The following CSMD1 variants were observed in gnomAD, a reference collection of about 807,000 sequenced individuals.
CSMD1 encodes CUB and sushi domain-containing protein 1.
Under a neutral mutation model 417.5 loss-of-function variants are expected in CSMD1, and 213 were observed. The ratio of observed to expected loss-of-function variants is 0.51; its 90% CI spans 0.46 to 0.57. The LOEUF is 0.57. CSMD1 is among the 20% of genes least tolerant of loss of function. The probability of loss-of-function intolerance (pLI) is 0.00; values close to 1 mark genes in which losing one functional copy is unlikely to be tolerated. For synonymous variants in CSMD1, 2,862 were observed against 1,736.8 expected (o/e 1.65, Z -16.11); for missense variants, 6,923 against 4,529.7 (o/e 1.53, Z -15.17).
intron 10 of CSMD1, among the ~76,000 whole-genome samples, chr8:3,523,094 A>G (rs888274980): frequency 1.3e-5 from 2 of 151,732 alleles, no homozygotes; most frequent in Non-Finnish European, 2.9e-5. Flanking sequence ...CTCCACATCC[A>G]ATATTATAGT....
chr8:3,816,220 G>T (rs1411944135), intron 5 of CSMD1, among the ~76,000 whole-genome samples: 2 of 152,076 alleles, frequency 1.3e-5, no homozygotes, highest in African/African-American at 4.8e-5. Context: ...CAGACAGAAG[G>T]GCACGTGTTA....
At chr8:4,788,062 G>T in intron 1 of CSMD1, 1 of 1,595,390 alleles carries the variant, frequency 6.3e-7, no homozygotes, top group Non-Finnish European at 8.6e-7. Context: ...AACTTTGAGT[G>T]GGTTGCAGAG....
At chr8:4,221,893 C>A (rs1801053582) in intron 3 of CSMD1, among the ~76,000 whole-genome samples, 1 of 152,132 alleles carries the variant, frequency 6.6e-6, no homozygotes, top group South Asian at 2.1e-4. Flanking sequence ...AGAGGAAATT[C>A]ACCAGACCAG....
intron 3 of CSMD1, among the ~76,000 whole-genome samples, chr8:4,186,128 G>A (rs557193603): frequency 6.6e-6 from 1 of 152,268 alleles, no homozygotes. Context: ...TGTCACCAAC[G>A]ATTTGGCATC....
At position 4,266,438 on chromosome 8, in the gene CSMD1, G is replaced by C. The variant is rs1468236443; in HGVS notation, c.415+153515C>G. 1.2e-4 allele frequency among the ~76,000 whole-genome samples: 13 copies of C among 104,078 alleles called. 1 individual carries two copies. Among genetic ancestry groups the C allele is most frequent in the African/African-American group, 3.1e-4 (12 of 38,234 alleles). 68.3% of individuals were successfully genotyped at this position (104,078 alleles called of 152,430 possible). A position where few individuals can be genotyped will look rare whatever the true frequency, so the allele number is the denominator to read the frequency against. On this transcript the variant is annotated intron_variant, in intron 3 of 69. Coordinates refer to ENST00000635120, the MANE Select transcript of CSMD1 (RefSeq NM_033225.6). ...AATGTGATTTCATTATAATATGTTAGGTTATATTGATGATTGGTTAGATAG... is the reference window on the plus strand; with the variant it reads ...AATGTGATTTCATTATAATATGTTACGTTATATTGATGATTGGTTAGATAG...
At chr8:3,438,708 T>G (rs781145024) in intron 12 of CSMD1, among the ~76,000 whole-genome samples, 1 of 152,190 alleles carries the variant, frequency 6.6e-6, no homozygotes, top group Non-Finnish European at 1.5e-5. Context: ...CTACACATAT[T>G]CCTGCTACTA....
intron 5 of CSMD1, among the ~76,000 whole-genome samples, chr8:3,828,027 G>C (rs1044609656): frequency 2.6e-5 from 4 of 152,108 alleles, no homozygotes; most frequent in African/African-American, 7.2e-5. Flanking sequence ...CAATTATATG[G>C]ATTTGTGTGT....
At chr8:4,427,372 A>G (rs758090682) in intron 2 of CSMD1, among the ~76,000 whole-genome samples, 1 of 152,044 alleles carries the variant, frequency 6.6e-6, no homozygotes, top group Non-Finnish European at 1.5e-5. Flanking sequence ...GGTGATCTGG[A>G]ACCAGGTGCT....
intron 1 of CSMD1, among the ~76,000 whole-genome samples, chr8:4,906,543 G>C (rs980053641): frequency 6.6e-6 from 1 of 150,432 alleles, no homozygotes; most frequent in Non-Finnish European, 1.5e-5. Context: ...AAATAAGTTT[G>C]TCTTTTCAAG....
intron 3 of CSMD1, among the ~76,000 whole-genome samples, chr8:4,160,468 A>T (rs1309418463): frequency 2.0e-5 from 3 of 152,190 alleles, no homozygotes; most frequent in African/African-American, 7.2e-5. Flanking sequence ...AGTGTTGGTC[A>T]TGTGTCTTCA....
intron 1 of CSMD1, among the ~76,000 whole-genome samples, chr8:4,717,893 A>G (rs1808788544): frequency 6.6e-6 from 1 of 152,222 alleles, no homozygotes. Flanking sequence ...CTAAAAATAA[A>G]TAGGATGACT....
At chr8:4,425,225 G>T (rs1041052908) in intron 2 of CSMD1, among the ~76,000 whole-genome samples, 1 of 151,942 alleles carries the variant, frequency 6.6e-6, no homozygotes, top group Non-Finnish European at 1.5e-5. Context: ...TCAGGAAGTA[G>T]GAACAAGATA....
intron 7 of CSMD1, among the ~76,000 whole-genome samples, chr8:3,679,179 T>C (rs2059419499): frequency 6.6e-6 from 1 of 151,978 alleles, no homozygotes; most frequent in Non-Finnish European, 1.5e-5. Flanking sequence ...AATTCACACA[T>C]AACAATATTA....
At chr8:3,506,576 A>C (rs1474347430) in intron 10 of CSMD1, among the ~76,000 whole-genome samples, 3 of 152,178 alleles carry the variant, frequency 2.0e-5, no homozygotes, top group African/African-American at 7.2e-5. Context: ...ATTCATCTTC[A>C]ACCACGCCTC....
chr8:3,275,938 C>G (rs1048697494), intron 26 of CSMD1, among the ~76,000 whole-genome samples: 1 of 152,230 alleles, frequency 6.6e-6, no homozygotes, highest in Non-Finnish European at 1.5e-5. Context: ...TTGTCAAACT[C>G]TTTCTCTGTT....
intron 2 of CSMD1, among the ~76,000 whole-genome samples, chr8:4,450,468 A>G (rs900834616): frequency 2.6e-5 from 4 of 152,104 alleles, no homozygotes; most frequent in Non-Finnish European, 4.4e-5. Flanking sequence ...TCTACTGAAA[A>G]TACAAAATTG....
intron 5 of CSMD1, among the ~76,000 whole-genome samples, chr8:3,876,441 C>G (rs557259734): frequency 6.6e-6 from 1 of 152,104 alleles, no homozygotes; most frequent in Non-Finnish European, 1.5e-5. Context: ...CACCATTCTC[C>G]TTTTATTCCT....
At chr8:4,710,997 G>T (rs1375717067) in intron 1 of CSMD1, among the ~76,000 whole-genome samples, 1 of 152,054 alleles carries the variant, frequency 6.6e-6, no homozygotes, top group Non-Finnish European at 1.5e-5. Flanking sequence ...TGACATGTGA[G>T]GTGACGGACA....
intron 3 of CSMD1, among the ~76,000 whole-genome samples, chr8:4,127,068 G>C (rs1647334): frequency 0.1 from 13,896 of 137,824 alleles, 866 homozygotes; most frequent in Non-Finnish European, 0.15. Context: ...CCAAAAATCA[G>C]TCAATCTCCT....
Sources: gnomAD v4.1 joint callset for allele counts (sites outside exome capture counted in the v4.1 genomes callset) on GRCh38, gnomAD v4.1.1 for gene constraint, MANE v1.5 for transcripts, NCBI Gene and HGNC (gene_info 2026-07-23, HGNC 2026-07-21) for gene names.